ANKS1B: variants seen among roughly 807,000 people sequenced by gnomAD.
ANKS1B encodes ankyrin repeat and sterile alpha motif domain-containing protein 1B.
ANKS1B carries 36 observed loss-of-function variants against 148.3 expected under a neutral mutation model. That is an observed-to-expected ratio of 0.24 (90% confidence interval 0.19 to 0.32). The LOEUF is 0.32. ANKS1B is among the 10% of genes least tolerant of loss of function. ANKS1B has a pLI of 1.00. For synonymous variants in ANKS1B, 542 were observed against 560.8 expected, an observed-to-expected ratio of 0.97 and a Z score of 0.47; for missense variants, 1,157 against 1,542.6, an observed-to-expected ratio of 0.75 and a Z score of 4.19.
At chr12:99,768,844 A>AC (rs1169397210) in intron 8 of ANKS1B, among the ~76,000 whole-genome samples, 2 of 150,704 alleles carry the variant, frequency 1.3e-5, no homozygotes, top group African/African-American at 2.4e-5. Context: ...AAAAAAAAAA[A>AC]AAAACACATC....
At chr12:99,819,074 T>G (rs2082204946) in intron 2 of ANKS1B, among the ~76,000 whole-genome samples, 1 of 151,894 alleles carries the variant, frequency 6.6e-6, no homozygotes, top group Non-Finnish European at 1.5e-5. Context: ...ATCATCTTCA[T>G]ATGGATGCAG....
intron 17 of ANKS1B, among the ~76,000 whole-genome samples, chr12:98,843,273 T>G (rs1362994236): frequency 6.6e-6 from 1 of 151,844 alleles, no homozygotes. Context: ...CTCTCAGGAG[T>G]GAGTGAGTTC....
intron 1 of ANKS1B, among the ~76,000 whole-genome samples, chr12:99,826,015 GTC>G (rs760878859): frequency 1.1e-5 from 1 of 93,860 alleles, no homozygotes; most frequent in Non-Finnish European, 2.3e-5. Flanking sequence ...ATATAAAAGA[GTC>G]TATTTTTTTT....
At chr12:99,886,673 A>G (rs1479472021) in intron 1 of ANKS1B, among the ~76,000 whole-genome samples, 1 of 152,200 alleles carries the variant, frequency 6.6e-6, no homozygotes, top group African/African-American at 2.4e-5. Context: ...CCTCATTTGT[A>G]GTCATTAACA....
chr12:99,798,029 A>C (rs956936298), intron 4 of ANKS1B, among the ~76,000 whole-genome samples: 1 of 151,918 alleles, frequency 6.6e-6, no homozygotes, highest in Admixed American at 6.6e-5. Flanking sequence ...TAGGTTATCT[A>C]TTCTACCAGA....
rs117156409 is a variant in ANKS1B, at chr12:98,932,073, C to G, written c.2779-99937G>C. On this transcript the variant is annotated intron_variant, in intron 17 of 26. Transcript: ENST00000683438. Reference sequence around the variant, plus strand: ...TTCAAAGGCGACACCTGCCTCTGGCCTCTCTCTGCATTCTCCCCATTATGA... The same window carrying G: ...TTCAAAGGCGACACCTGCCTCTGGCGTCTCTCTGCATTCTCCCCATTATGA... Among the ~76,000 whole-genome samples, 9 of 152,172 alleles carry G rather than the reference C, an allele frequency of 5.9e-5. No homozygotes were observed. The East Asian group carries it at 1.2e-3, about 20-fold the overall frequency.
chr12:98,885,546 C>A (rs1364055063), intron 17 of ANKS1B, among the ~76,000 whole-genome samples: 1 of 152,196 alleles, frequency 6.6e-6, no homozygotes, highest in Non-Finnish European at 1.5e-5. Context: ...CACTCCAGGG[C>A]TGCCCACTAT....
chr12:99,829,196 A>T (rs1463170454), intron 1 of ANKS1B, among the ~76,000 whole-genome samples: 3 of 152,022 alleles, frequency 2.0e-5, no homozygotes, highest in African/African-American at 7.2e-5. Flanking sequence ...ATCAGAACTG[A>T]AGGACATTAA....
chr12:99,107,935 C>T (rs1014722875), intron 15 of ANKS1B, among the ~76,000 whole-genome samples: 1 of 152,166 alleles, frequency 6.6e-6, no homozygotes, highest in East Asian at 1.9e-4. Flanking sequence ...AGCGACATTA[C>T]ACTTATCTCA....
At chr12:99,338,875 T>C (rs1015462012) in intron 12 of ANKS1B, among the ~76,000 whole-genome samples, 2 of 152,154 alleles carry the variant, frequency 1.3e-5, no homozygotes, top group African/African-American at 4.8e-5. Context: ...TAAGACCTTA[T>C]TTGACTGTGG....
chr12:99,114,955 T>C (rs1043570171), intron 15 of ANKS1B, among the ~76,000 whole-genome samples: 4 of 152,116 alleles, frequency 2.6e-5, no homozygotes, highest in Non-Finnish European at 5.9e-5. Context: ...AAAATGGCTA[T>C]TATTAAAAAG....
At chr12:99,271,604 G>C (rs1420703214) in intron 12 of ANKS1B, among the ~76,000 whole-genome samples, 1 of 141,088 alleles carries the variant, frequency 7.1e-6, no homozygotes, top group Non-Finnish European at 1.5e-5. Flanking sequence ...TTAAAAAGTT[G>C]TTCACCCACA....
intron 9 of ANKS1B, among the ~76,000 whole-genome samples, chr12:99,534,452 A>G (rs905666909): frequency 6.6e-6 from 1 of 152,216 alleles, no homozygotes; most frequent in Admixed American, 6.5e-5. Context: ...ATGAATCCAT[A>G]TGCTGAGAGA....
intron 1 of ANKS1B, among the ~76,000 whole-genome samples, chr12:99,928,276 T>TA (rs60972146): frequency 0.4 from 45,301 of 114,592 alleles, 7,368 homozygotes; most frequent in Middle Eastern, 0.51. Context: ...ATTTTATTTT[T>TA]TTTTTTTTTT....
intron 26 of ANKS1B, among the ~76,000 whole-genome samples, chr12:98,748,339 T>C (rs2153380344): frequency 6.6e-6 from 1 of 152,094 alleles, no homozygotes; most frequent in African/African-American, 2.4e-5. Context: ...TTGAGACAAA[T>C]CCTAAAATGG....
chr12:98,785,923 C>G (rs1011846744), intron 22 of ANKS1B, among the ~76,000 whole-genome samples: 3 of 152,170 alleles, frequency 2.0e-5, no homozygotes, highest in Non-Finnish European at 4.4e-5. Context: ...CTTCTGTTAT[C>G]GTTTTCTTTC....
chr12:99,968,238 A>C (rs545447162), intron 1 of ANKS1B, among the ~76,000 whole-genome samples: 1 of 152,232 alleles, frequency 6.6e-6, no homozygotes, highest in Admixed American at 6.5e-5. Flanking sequence ...GCTTAGATTT[A>C]TTGGCCTGAA....
chr12:98,842,849 T>C (rs946332636), intron 17 of ANKS1B, among the ~76,000 whole-genome samples: 2 of 152,248 alleles, frequency 1.3e-5, no homozygotes, highest in Non-Finnish European at 2.9e-5. Flanking sequence ...ATCAGTAGCA[T>C]ATTCTTTATT....
intron 8 of ANKS1B, among the ~76,000 whole-genome samples, chr12:99,702,491 C>T (rs2054995965): frequency 6.6e-6 from 1 of 152,008 alleles, no homozygotes; most frequent in African/African-American, 2.4e-5. Flanking sequence ...TTCTGTGGGT[C>T]ATCTATTTAC....
Sources: allele counts gnomAD v4.1 joint callset (sites outside exome capture counted in the v4.1 genomes callset), GRCh38; gene constraint gnomAD v4.1.1; transcripts MANE v1.5; gene names NCBI Gene and HGNC (gene_info 2026-07-23, HGNC 2026-07-21).